Variants in MACF1 observed in about 807,000 individuals in gnomAD.
MACF1 encodes the protein microtubule actin crosslinking factor 1, also known as microtubule-actin cross-linking factor 1.
Under a neutral mutation model 854.8 loss-of-function variants are expected in MACF1, and 193 were observed. That is an observed-to-expected ratio of 0.23 (90% CI 0.20 to 0.25). The LOEUF is 0.25. Ranked by LOEUF, MACF1 falls within the 10% of genes least tolerant of loss-of-function variation. MACF1 has a pLI of 1.00. For missense variants in MACF1, 7,722 were observed against 8,929.1 expected (o/e 0.86, Z 5.45); for synonymous variants, 3,185 against 3,226.7 (o/e 0.99, Z 0.44).
intron 2 of MACF1, among the ~76,000 whole-genome samples, chr1:39,096,960 T>A (rs1245873201): frequency 6.9e-6 from 1 of 144,322 alleles, no homozygotes; most frequent in Non-Finnish European, 1.5e-5. Context: ...CACTGCAACC[T>A]CTGCCTCCCA....
intron 2 of MACF1, among the ~76,000 whole-genome samples, chr1:39,122,888 G>A (rs1642752435): frequency 6.6e-6 from 1 of 152,132 alleles, no homozygotes; most frequent in African/African-American, 2.4e-5. Flanking sequence ...AGATACCACA[G>A]CCATTCATTG....
intron 2 of MACF1, among the ~76,000 whole-genome samples, chr1:39,170,627 G>A (rs2148220551): frequency 6.6e-6 from 1 of 152,368 alleles, no homozygotes; most frequent in East Asian, 1.9e-4. Flanking sequence ...TAGGAAAAAG[G>A]TGTTTAATGG....
At chr1:39,361,289 G>T in intron 48 of MACF1, 71 bp from the exon 49 acceptor site, 1 of 1,449,118 alleles carries the variant, frequency 6.9e-7, no homozygotes, top group Non-Finnish European at 9.5e-7. Context: ...ATAGCATATA[G>T]TTATTAGTTT....
intron 2 of MACF1, among the ~76,000 whole-genome samples, chr1:39,112,412 A>G (rs1362641274): frequency 1.2e-4 from 19 of 152,138 alleles, no homozygotes; most frequent in Admixed American, 1.2e-3. Context: ...GATTTTTATT[A>G]AAGAAGTAAG....
chr1:39,271,396 C>T (rs1645317665), intron 6 of MACF1, among the ~76,000 whole-genome samples: 1 of 152,158 alleles, frequency 6.6e-6, no homozygotes, highest in Non-Finnish European at 1.5e-5. Context: ...CACCTACCCT[C>T]ACGAGAACAG....
At chr1:39,403,621 C>T (rs1642568824) in intron 58 of MACF1, among the ~76,000 whole-genome samples, 1 of 152,098 alleles carries the variant, frequency 6.6e-6, no homozygotes, top group Non-Finnish European at 1.5e-5. Context: ...TTCCCTCTAA[C>T]CTCTACCTTC....
At chr1:39,379,704 C>T (rs1311152139) in intron 54 of MACF1, among the ~76,000 whole-genome samples, 4 of 152,204 alleles carry the variant, frequency 2.6e-5, no homozygotes, top group Non-Finnish European at 2.9e-5. Context: ...TCCCCAGAAT[C>T]GTTAGCTCAT....
intron 50 of MACF1, among the ~76,000 whole-genome samples, chr1:39,369,076 G>A (rs371825788): frequency 6.9e-6 from 1 of 144,754 alleles, no homozygotes; most frequent in Non-Finnish European, 1.5e-5. Flanking sequence ...TGGCCTCATC[G>A]ATCCTACTGC....
intron 2 of MACF1, among the ~76,000 whole-genome samples, chr1:39,233,238 TAGTC>T (rs1644806024): frequency 6.6e-6 from 1 of 152,158 alleles, no homozygotes; most frequent in South Asian, 2.1e-4. Context: ...TTCTCCACGT[TAGTC>T]AGGCTGGTCT....
chr1:39,369,924 G>C, intron 50 of MACF1, 106 bp from the exon 51 acceptor site: 1 of 1,000,238 alleles, frequency 1.0e-6, no homozygotes, highest in Non-Finnish European at 1.5e-6. Context: ...AGAAAGAAAG[G>C]CCATGTTAGG....
intron 2 of MACF1, among the ~76,000 whole-genome samples, chr1:39,162,436 C>T (rs1212372457): frequency 6.6e-6 from 1 of 152,144 alleles, no homozygotes; most frequent in Non-Finnish European, 1.5e-5. Flanking sequence ...ATTTTTTTCT[C>T]TTTGTACCAA....
At position 39,361,528 on chromosome 1, in the gene MACF1, G is replaced by C. The variant is rs558322130; in HGVS notation, c.12622G>C (p.Glu4208Gln). 1.9e-6 allele frequency: 3 copies of C among 1,614,048 alleles called. No individual in the cohort carries two copies. In the African/African-American group the frequency reaches 4.0e-5, roughly 22 times the overall value. ...GCTCTGTCTACAGCAGCAAGAAAAG[G>C]AGAGCTCCCTAAAGAAGCTTCTACC... ...EQLCLQQQEK[E>Q]SSLKKLLPQA... The change falls in exon 49 of 101, where the codon GAG becomes CAG. Residue 4208 changes from glutamate to glutamine, a missense_variant. Coordinates refer to ENST00000564288, the MANE Select transcript of MACF1 (RefSeq NM_001394062.1).
At chr1:39,441,663 C>T (rs1054420964) in intron 74 of MACF1, among the ~76,000 whole-genome samples, 1 of 152,176 alleles carries the variant, frequency 6.6e-6, no homozygotes, top group Non-Finnish European at 1.5e-5. Flanking sequence ...TGCTTCAGAA[C>T]ATCATGAGCT....
Position 39,267,932 on chromosome 1 carries a change from TC to T in MACF1, c.528+9905del, listed in dbSNP as rs201775146. On this transcript the variant is annotated intron_variant, in intron 6 of 100. Coordinates refer to ENST00000564288, the MANE Select transcript of MACF1 (RefSeq NM_001394062.1). ...AGATCTTTAAAGTCTGTGTTCCTTT[TC>T]TTAACTGTAAGAAGAAGGCTCTGGT... Among the ~76,000 whole-genome samples the T allele has an allele frequency of 5.9e-3, 898 of 152,358 alleles. 7 individuals carry two copies. The highest frequency in any genetic ancestry group is 0.017 in the Middle Eastern group (5 of 294).
At chr1:39,436,885 A>G (rs1466802997) in intron 70 of MACF1, among the ~76,000 whole-genome samples, 1 of 152,238 alleles carries the variant, frequency 6.6e-6, no homozygotes, top group Non-Finnish European at 1.5e-5. Flanking sequence ...TAATTCTTCA[A>G]GAATAAGGTT....
At chr1:39,296,751 A>AAAGGAAGGAAGGAAGG (rs1305821871) in intron 20 of MACF1, among the ~76,000 whole-genome samples, 1,290 of 93,700 alleles carry the variant, frequency 0.014, 59 homozygotes, top group African/African-American at 0.046. Context: ...AGAAAGAAAG[A>AAAGGAAGGAAGGAAGG]AAGGAAGGAA....
intron 47 of MACF1, 50 bp from the exon 48 acceptor site, chr1:39,360,743 A>G (rs776671923): frequency 7.0e-6 from 7 of 1,005,966 alleles, no homozygotes; most frequent in African/African-American, 6.5e-5. Context: ...CTTTAAAAGC[A>G]TAATACAAAA....
At chr1:39,395,102 G>A (rs1354992482) in intron 58 of MACF1, among the ~76,000 whole-genome samples, 1 of 152,132 alleles carries the variant, frequency 6.6e-6, no homozygotes, top group East Asian at 1.9e-4. Context: ...AGCCACTCAC[G>A]CCACCACCTC....
At chr1:39,306,036 TTTAGCAC>T (rs1262211922) in intron 23 of MACF1, among the ~76,000 whole-genome samples, 1 of 152,246 alleles carries the variant, frequency 6.6e-6, no homozygotes, top group Non-Finnish European at 1.5e-5. Context: ...CCTCTGTATC[TTTAGCAC>T]TTAGAACCAT....
Sources: allele counts gnomAD v4.1 joint callset (sites outside exome capture counted in the v4.1 genomes callset), GRCh38; gene constraint gnomAD v4.1.1; transcripts MANE v1.5; gene names NCBI Gene and HGNC (gene_info 2026-07-23, HGNC 2026-07-21).